ANXA10: variants seen among roughly 807,000 people sequenced by gnomAD.
ANXA10 encodes annexin A10.
Under a neutral mutation model 53.5 loss-of-function variants are expected in ANXA10, and 49 were observed. The observed-to-expected ratio is 0.92, with a 90% confidence interval of 0.73 to 1.16. The LOEUF (loss-of-function observed/expected upper bound fraction) is 1.16. Among genes scored for constraint, ANXA10 ranks in the 50% most tolerant of loss-of-function variants. ANXA10 has a pLI of 0.00. For synonymous variants in ANXA10, 131 were observed against 128.9 expected (o/e 1.02, Z -0.11); for missense variants, 393 against 394.4 (o/e 1.00, Z 0.03).
intron 1 of ANXA10, among the ~76,000 whole-genome samples, chr4:168,117,019 G>T (rs1730905722): frequency 2.7e-5 from 1 of 36,484 alleles, no homozygotes; most frequent in African/African-American, 9.2e-5. Flanking sequence ...ACTATGTGGT[G>T]TTATTAACAG....
intron 6 of ANXA10, among the ~76,000 whole-genome samples, chr4:168,170,341 G>A (rs1419286704): frequency 6.6e-6 from 1 of 152,108 alleles, no homozygotes; most frequent in Non-Finnish European, 1.5e-5. Flanking sequence ...AGAATTACAT[G>A]TAGGAATAGT....
chr4:168,163,607 A>C (rs1731822492), intron 4 of ANXA10, among the ~76,000 whole-genome samples: 1 of 152,192 alleles, frequency 6.6e-6, no homozygotes, highest in Non-Finnish European at 1.5e-5. Flanking sequence ...AGTGTGTTTT[A>C]TCAATAATTC....
At chr4:168,157,625 A>G (rs1482173283) in intron 3 of ANXA10, among the ~76,000 whole-genome samples, 1 of 152,148 alleles carries the variant, frequency 6.6e-6, no homozygotes, top group Admixed American at 6.6e-5. Context: ...CCATCTCCTG[A>G]CATCCTCCTG....
intron 1 of ANXA10, among the ~76,000 whole-genome samples, chr4:168,118,950 T>C (rs1730942732): frequency 6.6e-6 from 1 of 152,134 alleles, no homozygotes; most frequent in Non-Finnish European, 1.5e-5. Flanking sequence ...GTGCATTTAA[T>C]CAAATGCACA....
chr4:168,162,476 C>A (rs1731802147), intron 3 of ANXA10, 52 bp from the exon 4 acceptor site: 2 of 1,298,322 alleles, frequency 1.5e-6, no homozygotes, highest in South Asian at 1.2e-5. Flanking sequence ...TATCTCATTT[C>A]TCTTGCAAAT....
chr4:168,115,509 A>G (rs1004485547), intron 1 of ANXA10, among the ~76,000 whole-genome samples: 10 of 142,006 alleles, frequency 7.0e-5, no homozygotes, highest in African/African-American at 2.7e-4. Context: ...ACACACACAC[A>G]CACACACACA....
chr4:168,095,939 G>A (rs1730533994), intron 1 of ANXA10, among the ~76,000 whole-genome samples: 1 of 152,122 alleles, frequency 6.6e-6, no homozygotes, highest in Non-Finnish European at 1.5e-5. Flanking sequence ...GTTTGCCTCA[G>A]AATAGCTCAA....
intron 3 of ANXA10, among the ~76,000 whole-genome samples, chr4:168,142,104 A>G (rs1731337386): frequency 6.6e-6 from 1 of 152,086 alleles, no homozygotes; most frequent in Non-Finnish European, 1.5e-5. Context: ...TCCACCCGCT[A>G]CAGCATTAGG....
chr4:168,181,168 G>A (rs1014464754), intron 9 of ANXA10, among the ~76,000 whole-genome samples: 1 of 151,896 alleles, frequency 6.6e-6, no homozygotes, highest in African/African-American at 2.4e-5. Context: ...GAGGCGGGCG[G>A]ATCATGAGGT....
At chr4:168,183,379 A>T (rs1732300117) in intron 10 of ANXA10, among the ~76,000 whole-genome samples, 1 of 152,204 alleles carries the variant, frequency 6.6e-6, no homozygotes, top group Non-Finnish European at 1.5e-5. Flanking sequence ...TTAAACATTT[A>T]TTTGAAATAG....
intron 6 of ANXA10, among the ~76,000 whole-genome samples, chr4:168,173,156 A>T (rs75843022): frequency 0.02 from 3,021 of 152,268 alleles, 105 homozygotes; most frequent in African/African-American, 0.068. Flanking sequence ...AAAAATATGG[A>T]TAAAAGAATG....
At chr4:168,165,388 C>CAA in intron 6 of ANXA10, 62 bp downstream of exon 6, 1 of 477,940 alleles carries the variant, frequency 2.1e-6, no homozygotes, top group Non-Finnish European at 2.9e-6. Context: ...TATGTCATTG[C>CAA]CAAAAAAAAA....
intron 3 of ANXA10, among the ~76,000 whole-genome samples, chr4:168,158,042 A>G (rs1731719053): frequency 2.0e-5 from 3 of 152,204 alleles, no homozygotes; most frequent in African/African-American, 7.2e-5. Context: ...GTTGCAATAT[A>G]TTACATTCTG....
rs571880794 is a variant in ANXA10, at chr4:168,184,582, T to C, written c.807T>C (p.Thr269=). 39 of 1,613,906 alleles carry C rather than the reference T, an allele frequency of 2.4e-5. No homozygotes were observed. Among genetic ancestry groups the C allele is most frequent in the Non-Finnish European group, 3.1e-5 (36 of 1,179,936 alleles). The part of the protein sequence containing the change: ...AIHDFGFHNK[T]VIRILIARSE... ...AGGACTTTGGTTTCCATAATAAAAC[T>C]GTAATCAGGATTCTCATTGCCAGAA... is the stretch of plus-strand genomic sequence containing the variant. Residue 269 remains threonine, a synonymous_variant, in exon 11 of 12, where the codon ACT becomes ACC. Coordinates refer to ENST00000359299, the MANE Select transcript of ANXA10 (RefSeq NM_007193.5).
intron 11 of ANXA10, among the ~76,000 whole-genome samples, chr4:168,185,086 G>A (rs1021251981): frequency 3.9e-5 from 6 of 152,060 alleles, no homozygotes; most frequent in African/African-American, 1.2e-4. Context: ...CCCGGGAGGC[G>A]GAGCTTGCAG....
At chr4:168,151,668 C>A (rs992820903) in intron 3 of ANXA10, among the ~76,000 whole-genome samples, 1 of 152,136 alleles carries the variant, frequency 6.6e-6, no homozygotes, top group Non-Finnish European at 1.5e-5. Context: ...ATTTAATACT[C>A]TAATTAGAGA....
At chr4:168,133,222 T>A (rs1449274473) in intron 2 of ANXA10, among the ~76,000 whole-genome samples, 3 of 152,056 alleles carry the variant, frequency 2.0e-5, no homozygotes. Flanking sequence ...AAGAAAAAAA[T>A]ATGTGTGTCA....
intron 6 of ANXA10, among the ~76,000 whole-genome samples, chr4:168,172,181 AGCC>A (rs1732004099): frequency 6.6e-6 from 1 of 152,208 alleles, no homozygotes; most frequent in Admixed American, 6.5e-5. Context: ...TACATGACAA[AGCC>A]AGCTTGACTC....
At chr4:168,100,894 A>C (rs1730628273) in intron 1 of ANXA10, among the ~76,000 whole-genome samples, 2 of 152,118 alleles carry the variant, frequency 1.3e-5, no homozygotes. Flanking sequence ...AAATTATCAA[A>C]ACAGGATATT....
Sources: allele counts gnomAD v4.1 joint callset (sites outside exome capture counted in the v4.1 genomes callset), GRCh38; gene constraint gnomAD v4.1.1; transcripts MANE v1.5; gene names NCBI Gene and HGNC (gene_info 2026-07-23, HGNC 2026-07-21).